The following SEMA3A variants were observed in gnomAD, a reference collection of about 807,000 sequenced individuals.
The protein encoded by SEMA3A is semaphorin 3A.
Under a neutral mutation model 97.9 loss-of-function variants are expected in SEMA3A, and 29 were observed. The ratio of observed to expected loss-of-function variants is 0.30; its 90% CI spans 0.22 to 0.40. SEMA3A has a LOEUF of 0.40. SEMA3A is among the 10% of genes least tolerant of loss of function. The pLI is 1.00. For missense variants in SEMA3A, 763 were observed against 951.3 expected, an observed-to-expected ratio of 0.80 and a Z score of 2.60; for synonymous variants, 321 against 323.7, an observed-to-expected ratio of 0.99 and a Z score of 0.09.
chr7:84,212,776 T>C (rs932792504), intron 3 of SEMA3A, among the ~76,000 whole-genome samples: 3 of 152,206 alleles, frequency 2.0e-5, no homozygotes, highest in Non-Finnish European at 2.9e-5. Flanking sequence ...AGCTGGAGTA[T>C]ATATTTTCCT....
chr7:84,065,949 C>T (rs559946612), intron 4 of SEMA3A, among the ~76,000 whole-genome samples: 30 of 151,522 alleles, frequency 2.0e-4, no homozygotes, highest in African/African-American at 6.8e-4. Context: ...ATACCAAAGC[C>T]AGGCAGAGAC....
At position 84,384,225 on chromosome 7, in the gene SEMA3A, AT is replaced by A. The variant is rs377423812; in HGVS notation, c.-245-12326del. On this transcript the variant is annotated intron_variant, in intron 1 of 3. Coordinates refer to the SEMA3A transcript ENST00000424555. The stretch of plus-strand genomic sequence containing the variant: ...AATAATCATCTGTAGTTGTCATATT[AT>A]TTTGATTTTGTTAAATGTGTTACAT... Among the ~76,000 whole-genome samples the A allele has an allele frequency of 1.4e-4, 22 of 152,216 alleles. No individual in the cohort carries two copies. The East Asian group carries it at 4.1e-3, about 28-fold the overall frequency.
chr7:84,486,923 T>C (rs1483641467), intron 1 of SEMA3A, among the ~76,000 whole-genome samples: 2 of 152,076 alleles, frequency 1.3e-5, no homozygotes, highest in East Asian at 3.9e-4. Flanking sequence ...AAGCTTTTAA[T>C]AGAAGTACAG....
At chr7:84,168,872 G>A (rs1016449532) in intron 1 of SEMA3A, among the ~76,000 whole-genome samples, 1 of 151,604 alleles carries the variant, frequency 6.6e-6, no homozygotes, top group Admixed American at 6.6e-5. Context: ...TCAGATAATA[G>A]TTTAAATTTC....
At chr7:84,395,356 A>AG (rs770321794) in intron 1 of SEMA3A, among the ~76,000 whole-genome samples, 2 of 127,928 alleles carry the variant, frequency 1.6e-5, no homozygotes, top group Admixed American at 1.6e-4. Flanking sequence ...AGAAACCCAT[A>AG]GGAAAAAAAA....
chr7:84,005,195 T>C (rs1225934442), intron 11 of SEMA3A, 144 bp downstream of exon 11: 11 of 627,412 alleles, frequency 1.8e-5, no homozygotes, highest in East Asian at 1.1e-4. Flanking sequence ...TAGTTAAGTT[T>C]TGGGGAAATC....
At chr7:84,444,654 C>T (rs1005368522) in intron 1 of SEMA3A, among the ~76,000 whole-genome samples, 14 of 151,464 alleles carry the variant, frequency 9.2e-5, no homozygotes, top group Admixed American at 4.6e-4. Context: ...CTCCCCCTCC[C>T]GGCTTCACGC....
chr7:84,139,390 T>A (rs1796233395), intron 1 of SEMA3A, among the ~76,000 whole-genome samples: 2 of 152,052 alleles, frequency 1.3e-5, no homozygotes, highest in South Asian at 4.1e-4. Flanking sequence ...AGGATTGTAA[T>A]TAAAGATGCC....
rs147276213 is a variant in SEMA3A, at chr7:84,466,681, T to C, written c.-246+25779A>G. 2.9e-4 allele frequency among the ~76,000 whole-genome samples: 44 copies of C among 152,304 alleles called. No homozygotes were observed. In the East Asian group the frequency reaches 8.1e-3, roughly 28 times the overall value. On this transcript the variant is annotated intron_variant, in intron 1 of 3. Coordinates refer to the SEMA3A transcript ENST00000424555. ...TGACTTACCATCAGATCTTCTCCCA[T>C]ATGCCTGCACAGGCCAACCTCAGGC...
chr7:84,325,316 A>G (rs981617), intron 2 of SEMA3A, among the ~76,000 whole-genome samples: 5,021 of 152,198 alleles, frequency 0.033, 295 homozygotes, highest in African/African-American at 0.11. Context: ...CAATCAAATT[A>G]TGATTTTAAA....
chr7:84,316,834 A>G (rs1208262530), intron 2 of SEMA3A, among the ~76,000 whole-genome samples: 1 of 152,188 alleles, frequency 6.6e-6, no homozygotes, highest in African/African-American at 2.4e-5. Context: ...CAAGCCGATT[A>G]AACTGCAGGA....
chr7:84,117,126 C>T (rs1044556377), intron 3 of SEMA3A, among the ~76,000 whole-genome samples: 6 of 152,004 alleles, frequency 3.9e-5, no homozygotes, highest in African/African-American at 1.4e-4. Context: ...CTTCAAATAT[C>T]GTCCATATAT....
chr7:84,279,776 C>T (rs961960760), intron 3 of SEMA3A, among the ~76,000 whole-genome samples: 1 of 152,114 alleles, frequency 6.6e-6, no homozygotes, highest in Non-Finnish European at 1.5e-5. Flanking sequence ...TAGTCAAATA[C>T]CTAATAGTTG....
At chr7:84,197,280 G>T (rs78876288), upstream of SEMA3A, among the ~76,000 whole-genome samples, 4 of 152,114 alleles carry the variant, frequency 2.6e-5, no homozygotes, top group African/African-American at 9.6e-5. Flanking sequence ...TTTTCCAGAT[G>T]TTTAAAAGTT....
intron 15 of SEMA3A, among the ~76,000 whole-genome samples, chr7:83,968,671 T>A (rs1013236830): frequency 2.0e-4 from 31 of 152,158 alleles, no homozygotes; most frequent in African/African-American, 7.5e-4. Context: ...ATTGTTGTTA[T>A]TTTTATCTTA....
intron 1 of SEMA3A, among the ~76,000 whole-genome samples, chr7:84,421,493 T>C (rs1804591405): frequency 6.6e-6 from 1 of 152,110 alleles, no homozygotes; most frequent in Non-Finnish European, 1.5e-5. Context: ...CTCTTCCTAT[T>C]TGAATACTCT....
chr7:84,062,637 T>C (rs927455384), intron 4 of SEMA3A, among the ~76,000 whole-genome samples: 2 of 152,142 alleles, frequency 1.3e-5, no homozygotes, highest in African/African-American at 4.8e-5. Flanking sequence ...GTTCCCTTTC[T>C]GAGTCAAAGA....
chr7:84,098,993 A>G (rs941587263), intron 4 of SEMA3A, among the ~76,000 whole-genome samples: 3 of 152,122 alleles, frequency 2.0e-5, no homozygotes, highest in Non-Finnish European at 4.4e-5. Context: ...TAATAACAAC[A>G]ATCGTGGACA....
chr7:84,230,907 T>C (rs1468070105), intron 3 of SEMA3A, among the ~76,000 whole-genome samples: 1 of 151,980 alleles, frequency 6.6e-6, no homozygotes, highest in Non-Finnish European at 1.5e-5. Flanking sequence ...CTTCTAGCAC[T>C]TCCCTGTTAG....
Sources: gnomAD v4.1 joint callset for allele counts (sites outside exome capture counted in the v4.1 genomes callset) on GRCh38, gnomAD v4.1.1 for gene constraint, MANE v1.5 for transcripts, NCBI Gene and HGNC (gene_info 2026-07-23, HGNC 2026-07-21) for gene names.